Variants in RELN observed in about 807,000 individuals in gnomAD.
The protein encoded by RELN is reelin.
Under a neutral mutation model 427.6 loss-of-function variants are expected in RELN, and 108 were observed. That is an observed-to-expected ratio of 0.25 (90% CI 0.22 to 0.30). The LOEUF (loss-of-function observed/expected upper bound fraction) is 0.30. RELN is among the 10% of genes least tolerant of loss of function. RELN has a pLI of 1.00. For missense variants in RELN, 3,715 were observed against 4,302.8 expected, an observed-to-expected ratio of 0.86 and a Z score of 3.82; for synonymous variants, 1,524 against 1,513.4, an observed-to-expected ratio of 1.01 and a Z score of -0.16.
At chr7:103,795,613 A>G (rs1218640432) in intron 3 of RELN, among the ~76,000 whole-genome samples, 1 of 152,232 alleles carries the variant, frequency 6.6e-6, no homozygotes, top group African/African-American at 2.4e-5. Flanking sequence ...AGACATGAAC[A>G]AAACATCCAA....
In RELN at chr7:103,650,373, T is replaced by A. The variant is rs1411192424; in HGVS notation, c.1903A>T (p.Ile635Leu). 3.7e-6 allele frequency: 6 copies of A among 1,609,286 alleles called. No individual in the cohort carries two copies. Among genetic ancestry groups the A allele is most frequent in the East Asian group, 2.2e-5 (1 of 44,804 alleles). Residue 635 changes from isoleucine to leucine, a missense_variant, in exon 16 of 65, where the codon ATA (isoleucine) becomes TTA (leucine). Physicochemically the swap from Ile to Leu is conservative, Grantham distance 5 (BLOSUM62 2). This residue lies in a region of RELN where 2,208 missense variants were observed against 2,361.7 expected (regional missense o/e 0.93). Coordinates refer to ENST00000428762, the MANE Select transcript of RELN (RefSeq NM_005045.4). The stretch of plus-strand genomic sequence containing the variant: ...GCTGCGTTAGGAAGGGGAATTGTTA[T>A]TCGGTTCCACCTGCAAGAAATTTAG... Reference protein sequence around the residue: ...SSENYSGWNRITIPLPNAALT... With the variant: ...SSENYSGWNRLTIPLPNAALT...
intron 2 of RELN, among the ~76,000 whole-genome samples, chr7:103,849,918 A>G (rs1281891776): frequency 6.6e-6 from 1 of 152,202 alleles, no homozygotes; most frequent in Non-Finnish European, 1.5e-5. Flanking sequence ...ACTCCTACTT[A>G]TCACTTAATA....
chr7:103,572,506 T>C (rs1232212244), intron 30 of RELN, among the ~76,000 whole-genome samples: 1 of 152,156 alleles, frequency 6.6e-6, no homozygotes, highest in Admixed American at 6.5e-5. Context: ...AAGGAAACCG[T>C]TGAATATCAC....
chr7:103,943,871 A>AATT (rs1796165861), intron 1 of RELN, among the ~76,000 whole-genome samples: 1 of 147,712 alleles, frequency 6.8e-6, no homozygotes, highest in Non-Finnish European at 1.5e-5. Context: ...AAAAAAAAAG[A>AATT]ATTGGAAATT....
At chr7:103,557,540 T>A (rs949056911) in intron 37 of RELN, among the ~76,000 whole-genome samples, 6 of 152,192 alleles carry the variant, frequency 3.9e-5, no homozygotes, top group African/African-American at 1.4e-4. Flanking sequence ...ATATCTACAA[T>A]CAATTTGTTC....
chr7:103,854,120 A>T (rs1228935374), intron 2 of RELN, among the ~76,000 whole-genome samples: 1 of 152,222 alleles, frequency 6.6e-6, no homozygotes, highest in East Asian at 1.9e-4. Flanking sequence ...TCAACTAAAA[A>T]TAAAAGGAAA....
intron 4 of RELN, among the ~76,000 whole-genome samples, chr7:103,761,633 G>C (rs1037321818): frequency 3.3e-5 from 5 of 151,444 alleles, no homozygotes; most frequent in Non-Finnish European, 5.9e-5. Flanking sequence ...TTTTTTGGGG[G>C]GGGGTAGAGA....
At chr7:103,596,849 AC>A (rs1031962297) in intron 24 of RELN, among the ~76,000 whole-genome samples, 188 bp from the exon 25 acceptor site, 1 of 152,176 alleles carries the variant, frequency 6.6e-6, no homozygotes, top group Non-Finnish European at 1.5e-5. Context: ...GTTGCTGGAT[AC>A]CTTTGGTTAA....
chr7:103,802,550 G>T (rs1401931428), intron 3 of RELN, among the ~76,000 whole-genome samples: 1 of 152,112 alleles, frequency 6.6e-6, no homozygotes, highest in Non-Finnish European at 1.5e-5. Flanking sequence ...TAAAAGTGCT[G>T]TAGAAGTCAC....
At chr7:103,744,104 G>T (rs1309851722) in intron 6 of RELN, among the ~76,000 whole-genome samples, 1 of 152,158 alleles carries the variant, frequency 6.6e-6, no homozygotes, top group African/African-American at 2.4e-5. Flanking sequence ...TCAGGATTAA[G>T]AAACTCACTC....
chr7:103,475,413 T>C (rs947273297), intron 64 of RELN, among the ~76,000 whole-genome samples: 2 of 152,200 alleles, frequency 1.3e-5, no homozygotes, highest in African/African-American at 2.4e-5. Flanking sequence ...GTTGAACTTA[T>C]GGTGACTTAC....
chr7:103,784,004 T>C (rs1791957302), intron 3 of RELN, among the ~76,000 whole-genome samples: 1 of 152,156 alleles, frequency 6.6e-6, no homozygotes, highest in African/African-American at 2.4e-5. Context: ...ACATTTATCA[T>C]TGGCAGAGTT....
chr7:103,676,877 C>T (rs768574617), intron 11 of RELN, among the ~76,000 whole-genome samples: 9 of 151,040 alleles, frequency 6.0e-5, no homozygotes, highest in African/African-American at 1.7e-4. Context: ...CATCACACAG[C>T]GGGGCCTGTC....
At chr7:103,509,354 C>A (rs1584248986) in intron 51 of RELN, among the ~76,000 whole-genome samples, 1 of 152,284 alleles carries the variant, frequency 6.6e-6, no homozygotes, top group East Asian at 1.9e-4. Flanking sequence ...CACCACACAT[C>A]TACAACCATC....
intron 20 of RELN, among the ~76,000 whole-genome samples, chr7:103,621,336 G>GT (rs1832213803): frequency 6.6e-6 from 1 of 152,132 alleles, no homozygotes; most frequent in African/African-American, 2.4e-5. Context: ...AATTAATGAA[G>GT]TTAGCCTAAT....
At chr7:103,941,040 C>T (rs1796102706) in intron 1 of RELN, among the ~76,000 whole-genome samples, 1 of 152,290 alleles carries the variant, frequency 6.6e-6, no homozygotes, top group Non-Finnish European at 1.5e-5. Context: ...AGGCCCAAAT[C>T]TTCCTCCCTG....
chr7:103,571,276 T>C (rs999989910), intron 31 of RELN, among the ~76,000 whole-genome samples: 1 of 152,194 alleles, frequency 6.6e-6, no homozygotes, highest in Non-Finnish European at 1.5e-5. Context: ...TGGAGGAGGA[T>C]GCATCTGAGA....
chr7:103,600,512 C>T (rs1178744035), intron 24 of RELN, among the ~76,000 whole-genome samples: 2 of 152,092 alleles, frequency 1.3e-5, no homozygotes, highest in African/African-American at 2.4e-5. Context: ...TCTTTCAAAT[C>T]GGGTCTACTC....
chr7:103,758,017 C>T (rs1791204867), intron 4 of RELN, among the ~76,000 whole-genome samples: 2 of 152,234 alleles, frequency 1.3e-5, no homozygotes, highest in East Asian at 1.9e-4. Flanking sequence ...GTAGGATGTT[C>T]AACTAGGAAT....
Sources: gnomAD v4.1 joint callset for allele counts (sites outside exome capture counted in the v4.1 genomes callset) on GRCh38, gnomAD v4.1.1 for gene constraint, gnomAD v4.1.1 regional missense constraint, MANE v1.5 for transcripts, NCBI Gene and HGNC (gene_info 2026-07-23, HGNC 2026-07-21) for gene names.